Variants in CALN1 observed in about 807,000 individuals in gnomAD.
The protein encoded by CALN1 is calcium-binding protein 8.
Under a neutral mutation model 30.6 loss-of-function variants are expected in CALN1, and 17 were observed. The observed-to-expected ratio is 0.56, with a 90% CI of 0.38 to 0.83. The LOEUF (loss-of-function observed/expected upper bound fraction) is 0.83, where lower values mean the gene tolerates loss of function less well. Ranked by LOEUF, CALN1 falls within the 40% of genes least tolerant of loss-of-function variation. The pLI, the probability that CALN1 is intolerant of heterozygous loss-of-function variation, is 0.00. For synonymous variants in CALN1, 156 were observed against 131.4 expected (o/e 1.19, Z -1.28); for missense variants, 291 against 354.9 (o/e 0.82, Z 1.45).
chr7:72,331,688 G>GT (rs776261603), intron 2 of CALN1, among the ~76,000 whole-genome samples: 1 of 151,642 alleles, frequency 6.6e-6, no homozygotes, highest in Admixed American at 6.6e-5. Flanking sequence ...CTGTTACCTT[G>GT]TTTTTTTTCC....
chr7:72,021,055 G>C (rs1489797882), intron 5 of CALN1, among the ~76,000 whole-genome samples: 1 of 152,092 alleles, frequency 6.6e-6, no homozygotes, highest in African/African-American at 2.4e-5. Context: ...AAGATTGCTT[G>C]AGGCTAGGAG....
At chr7:72,487,886 AAAGAAAAG>A in the CALN1 span, among the ~76,000 whole-genome samples, 2 of 55,152 alleles carry the variant, frequency 3.6e-5, no homozygotes, top group African/African-American at 2.1e-4. Flanking sequence ...GAAAGAAAGA[AAAGAAAAG>A]AAAGAAAGAA....
At chr7:72,398,522 T>C (rs1806124354) in intron 2 of CALN1, among the ~76,000 whole-genome samples, 1 of 152,240 alleles carries the variant, frequency 6.6e-6, no homozygotes, top group Non-Finnish European at 1.5e-5. Flanking sequence ...TTCCTTTGGA[T>C]TGGGCTGAAG....
At chr7:72,396,755 T>TA (rs1454281109) in intron 2 of CALN1, among the ~76,000 whole-genome samples, 3 of 152,126 alleles carry the variant, frequency 2.0e-5, no homozygotes, top group Non-Finnish European at 4.4e-5. Flanking sequence ...ACACCATTCT[T>TA]AAGACAAGTG....
intron 2 of CALN1, among the ~76,000 whole-genome samples, chr7:72,299,659 G>T (rs1412235535): frequency 7.0e-6 from 1 of 141,988 alleles, no homozygotes; most frequent in African/African-American, 2.6e-5. Context: ...AGTAACCAAA[G>T]AAATACAATT....
At chr7:72,315,858 G>A (rs2129556795) in intron 2 of CALN1, among the ~76,000 whole-genome samples, 1 of 152,146 alleles carries the variant, frequency 6.6e-6, no homozygotes, top group South Asian at 2.1e-4. Flanking sequence ...CCTCTTCTAA[G>A]AATTTCTCCG....
rs565242976 is a variant in CALN1, at chr7:72,296,853, T to C, written c.120-18043A>G. On this transcript the variant is annotated intron_variant, in intron 2 of 6. Coordinates refer to ENST00000395275, the MANE Select transcript of CALN1 (RefSeq NM_031468.4). ...TTTTGAAGGGTTTTTTGTGTCTCTA[T>C]TTCCTTCAGTTCTACTCTGATTTTA... is the stretch of plus-strand genomic sequence containing the variant. 4.2e-3 allele frequency among the ~76,000 whole-genome samples: 637 copies of C among 151,632 alleles called. 4 individuals are homozygous for C. Among genetic ancestry groups the C allele is most frequent in the African/African-American group, 0.014 (572 of 41,382 alleles).
intron 2 of CALN1, among the ~76,000 whole-genome samples, chr7:72,287,141 G>C (rs1210462173): frequency 6.6e-6 from 1 of 152,004 alleles, no homozygotes; most frequent in Non-Finnish European, 1.5e-5. Flanking sequence ...ATGATATTTT[G>C]CCTTCTTTGC....
At chr7:72,002,868 G>C (rs193265973) in intron 5 of CALN1, among the ~76,000 whole-genome samples, 1 of 152,272 alleles carries the variant, frequency 6.6e-6, no homozygotes, top group Non-Finnish European at 1.5e-5. Context: ...CAAAAACAGA[G>C]AATAAAATTA....
intron 3 of CALN1, among the ~76,000 whole-genome samples, chr7:72,207,079 A>G (rs1041430370): frequency 6.6e-6 from 1 of 152,200 alleles, no homozygotes; most frequent in Non-Finnish European, 1.5e-5. Flanking sequence ...AATTTGCCAG[A>G]AAGAAAAAGA....
chr7:72,162,689 A>G (rs1312789650), intron 3 of CALN1, among the ~76,000 whole-genome samples: 1 of 152,176 alleles, frequency 6.6e-6, no homozygotes, highest in Non-Finnish European at 1.5e-5. Context: ...CAGTGAGCCA[A>G]GATCATGCCA....
At chr7:72,091,369 A>G (rs757379453) in intron 4 of CALN1, among the ~76,000 whole-genome samples, 2 of 152,114 alleles carry the variant, frequency 1.3e-5, no homozygotes, top group Non-Finnish European at 2.9e-5. Context: ...AATTTATTGT[A>G]TATTTCAAAA....
At chr7:71,858,866 G>A (rs544897693) in intron 5 of CALN1, among the ~76,000 whole-genome samples, 2 of 152,024 alleles carry the variant, frequency 1.3e-5, no homozygotes, top group Non-Finnish European at 2.9e-5. Flanking sequence ...CGACCACTTT[G>A]GGCACATGTC....
intron 4 of CALN1, among the ~76,000 whole-genome samples, chr7:72,046,709 TA>T (rs59664699): frequency 0.18 from 9,269 of 51,308 alleles, 368 homozygotes; most frequent in East Asian, 0.24. Flanking sequence ...GACTCCCTCT[TA>T]AAAAAAAAAA....
At chr7:71,873,673 C>A (rs956826473) in intron 5 of CALN1, among the ~76,000 whole-genome samples, 5 of 152,236 alleles carry the variant, frequency 3.3e-5, no homozygotes, top group Admixed American at 6.5e-5. Context: ...GGGCTACCCA[C>A]CAGACCTACG....
At chr7:72,361,287 T>C (rs1051365253) in intron 2 of CALN1, among the ~76,000 whole-genome samples, 12 of 152,234 alleles carry the variant, frequency 7.9e-5, no homozygotes, top group Non-Finnish European at 1.8e-4. Flanking sequence ...GGCTGGATGC[T>C]AAGTATTTTG....
At chr7:72,298,958 A>C (rs976120433) in intron 2 of CALN1, among the ~76,000 whole-genome samples, 2 of 152,040 alleles carry the variant, frequency 1.3e-5, no homozygotes, top group Non-Finnish European at 2.9e-5. Flanking sequence ...AGCCCAATTA[A>C]ACCTCTTTCT....
chr7:72,498,249 C>G, the CALN1 span, among the ~76,000 whole-genome samples: 2 of 151,886 alleles, frequency 1.3e-5, no homozygotes, highest in South Asian at 4.2e-4. Context: ...GGAATAGAAT[C>G]GAGAATTTTT....
intron 2 of CALN1, among the ~76,000 whole-genome samples, chr7:72,368,534 A>T (rs947696248): frequency 1.6e-4 from 25 of 152,106 alleles, no homozygotes; most frequent in Non-Finnish European, 2.9e-5. Context: ...GAGAAATGAA[A>T]ATGTCTACTG....
Sources: allele counts gnomAD v4.1 joint callset (sites outside exome capture counted in the v4.1 genomes callset), GRCh38; gene constraint gnomAD v4.1.1; transcripts MANE v1.5; gene names NCBI Gene and HGNC (gene_info 2026-07-23, HGNC 2026-07-21).